CSMD1: variants seen among roughly 807,000 people sequenced by gnomAD.
The protein encoded by CSMD1 is CUB and sushi domain-containing protein 1.
In CSMD1, 213 loss-of-function variants were observed where a neutral mutation model predicts 417.5. The observed-to-expected ratio is 0.51, with a 90% CI of 0.46 to 0.57. The LOEUF is 0.57. CSMD1 is among the 20% of genes least tolerant of loss of function. The pLI is 0.00. For synonymous variants in CSMD1, 2,862 were observed against 1,736.8 expected (o/e 1.65, Z -16.11); for missense variants, 6,923 against 4,529.7 (o/e 1.53, Z -15.17).
chr8:3,907,723 G>C (rs968656270), intron 5 of CSMD1, among the ~76,000 whole-genome samples: 3 of 152,170 alleles, frequency 2.0e-5, no homozygotes, highest in Non-Finnish European at 4.4e-5. Flanking sequence ...CCTGAGAAGT[G>C]TTATGTGAGT....
intron 1 of CSMD1, among the ~76,000 whole-genome samples, chr8:4,890,446 G>C (rs1273716514): frequency 1.3e-5 from 2 of 150,852 alleles, no homozygotes; most frequent in Non-Finnish European, 3.0e-5. Context: ...CGCAGGACAG[G>C]TGAGAACGTG....
chr8:4,788,444 T>C (rs1406813884), intron 1 of CSMD1: 1 of 1,327,112 alleles, frequency 7.5e-7, no homozygotes, highest in Non-Finnish European at 1.1e-6. Flanking sequence ...AACCACACTT[T>C]CTCCAGAAGG....
chr8:3,166,025 A>G (rs1820187450), intron 37 of CSMD1, among the ~76,000 whole-genome samples: 2 of 152,120 alleles, frequency 1.3e-5, no homozygotes, highest in Non-Finnish European at 2.9e-5. Context: ...TAGACTATTT[A>G]TATTTATTCA....
At chr8:3,876,309 G>T (rs1250434003) in intron 5 of CSMD1, among the ~76,000 whole-genome samples, 4 of 152,144 alleles carry the variant, frequency 2.6e-5, no homozygotes, top group Non-Finnish European at 5.9e-5. Context: ...TATGGGAAAA[G>T]GTGATGCACA....
intron 5 of CSMD1, among the ~76,000 whole-genome samples, chr8:3,816,256 C>A (rs766829941): frequency 2.6e-5 from 4 of 152,162 alleles, no homozygotes; most frequent in Non-Finnish European, 5.9e-5. Context: ...ACGGTGCATT[C>A]ATTTTCTCCA....
intron 3 of CSMD1, among the ~76,000 whole-genome samples, chr8:4,219,238 C>T (rs1800873501): frequency 6.6e-6 from 1 of 152,216 alleles, no homozygotes; most frequent in African/African-American, 2.4e-5. Flanking sequence ...ACCACTCCAT[C>T]TGCTAAATAT....
intron 26 of CSMD1, among the ~76,000 whole-genome samples, chr8:3,239,898 CG>C (rs1799388222): frequency 6.6e-6 from 1 of 151,818 alleles, no homozygotes; most frequent in Admixed American, 6.6e-5. Flanking sequence ...GATTGAAGTC[CG>C]GGCCAGGAAC....
intron 69 of CSMD1, among the ~76,000 whole-genome samples, chr8:2,940,500 T>TAAGC (rs1033463302): frequency 1.2e-4 from 18 of 152,228 alleles, no homozygotes; most frequent in African/African-American, 4.1e-4. Flanking sequence ...TACATAAAAA[T>TAAGC]AAGCGCTATC....
chr8:4,323,401 C>T lies in CSMD1; in HGVS notation c.415+96552G>A, dbSNP rs142712271. On this transcript the variant is annotated intron_variant, in intron 3 of 69. Coordinates refer to ENST00000635120, the MANE Select transcript of CSMD1 (RefSeq NM_033225.6). ...CAGCATGGCCTTCCTAATTTCACAG[C>T]CTTGTTCCATGTCTTCTTCACAGGT... is the stretch of plus-strand genomic sequence containing the variant. 4.1e-4 allele frequency among the ~76,000 whole-genome samples: 63 copies of T among 152,276 alleles called. 1 individual carries two copies. The highest frequency in any genetic ancestry group is 1.9e-3 in the Admixed American group (29 of 15,292).
intron 5 of CSMD1, among the ~76,000 whole-genome samples, chr8:3,978,471 T>C (rs1371088650): frequency 6.6e-6 from 1 of 152,182 alleles, no homozygotes; most frequent in Non-Finnish European, 1.5e-5. Flanking sequence ...TTGTAAGAAA[T>C]CCATGAATAT....
intron 3 of CSMD1, among the ~76,000 whole-genome samples, chr8:4,415,877 G>T (rs558330942): frequency 3.3e-5 from 5 of 152,314 alleles, no homozygotes; most frequent in African/African-American, 9.6e-5. Context: ...AGAGGAAACA[G>T]TGAGTGTATA....
At chr8:4,444,813 G>C (rs17336628) in intron 2 of CSMD1, among the ~76,000 whole-genome samples, 1 of 152,112 alleles carries the variant, frequency 6.6e-6, no homozygotes, top group African/African-American at 2.4e-5. Context: ...AGATGCTTGT[G>C]ACCTCAGCCA....
chr8:4,789,389 T>A (rs1294129892), intron 1 of CSMD1, among the ~76,000 whole-genome samples: 2 of 152,162 alleles, frequency 1.3e-5, no homozygotes, highest in Non-Finnish European at 1.5e-5. Flanking sequence ...TGGCTCTGGG[T>A]GATTTTTACC....
At chr8:3,710,767 T>C (rs549520142) in intron 6 of CSMD1, among the ~76,000 whole-genome samples, 2 of 152,300 alleles carry the variant, frequency 1.3e-5, no homozygotes, top group African/African-American at 2.4e-5. Flanking sequence ...ATAGGAATTA[T>C]GACACCGCCA....
chr8:3,345,078 T>A (rs534297708), intron 22 of CSMD1, among the ~76,000 whole-genome samples: 2 of 152,206 alleles, frequency 1.3e-5, no homozygotes, highest in Non-Finnish European at 2.9e-5. Flanking sequence ...CCGTATACCA[T>A]GGAATTGTCT....
chr8:3,142,848 T>A (rs180881717), intron 40 of CSMD1, among the ~76,000 whole-genome samples, 174 bp from the exon 41 acceptor site: 3 of 152,352 alleles, frequency 2.0e-5, no homozygotes, highest in Admixed American at 2.0e-4. Context: ...TGGCTCCATC[T>A]TACCTCTGCC....
intron 5 of CSMD1, among the ~76,000 whole-genome samples, chr8:3,791,446 G>C (rs1355733603): frequency 6.6e-6 from 1 of 152,220 alleles, no homozygotes; most frequent in Non-Finnish European, 1.5e-5. Context: ...TCCTAGCATA[G>C]TGCTGATACG....
intron 3 of CSMD1, among the ~76,000 whole-genome samples, chr8:4,141,199 T>C (rs994859893): frequency 6.6e-6 from 1 of 151,156 alleles, no homozygotes; most frequent in African/African-American, 2.5e-5. Flanking sequence ...AGCCTTGTGA[T>C]CTATCAGAAA....
At chr8:3,451,307 C>T (rs1404371244) in intron 12 of CSMD1, among the ~76,000 whole-genome samples, 11 of 152,310 alleles carry the variant, frequency 7.2e-5, no homozygotes, top group Non-Finnish European at 1.2e-4. Flanking sequence ...TGCACAGAAG[C>T]TCTTTAGTTT....
Sources: gnomAD v4.1 joint callset for allele counts (sites outside exome capture counted in the v4.1 genomes callset) on GRCh38, gnomAD v4.1.1 for gene constraint, MANE v1.5 for transcripts, NCBI Gene and HGNC (gene_info 2026-07-23, HGNC 2026-07-21) for gene names.